Variants in XKR4 observed in about 807,000 individuals in gnomAD.
XKR4 encodes the protein XK-related protein 4.
A neutral mutation model predicts 53.9 loss-of-function variants in XKR4; 12 were observed. That is an observed-to-expected ratio of 0.22 (90% CI 0.14 to 0.36). The LOEUF is 0.36. XKR4 is among the 10% of genes least tolerant of loss of function. The probability of loss-of-function intolerance (pLI) is 1.00; values close to 1 mark genes in which losing one functional copy is unlikely to be tolerated. For synonymous variants in XKR4, 354 were observed against 362.4 expected, an observed-to-expected ratio of 0.98 and a Z score of 0.26; for missense variants, 799 against 859.5, an observed-to-expected ratio of 0.93 and a Z score of 0.88.
intron 1 of XKR4, among the ~76,000 whole-genome samples, chr8:55,156,184 T>A (rs1407113930): frequency 6.6e-6 from 1 of 151,852 alleles, no homozygotes; most frequent in African/African-American, 2.4e-5. Context: ...AGGCTTAGAC[T>A]GTTTAGTATT....
rs879318346 is a variant in XKR4, at chr8:55,540,486, G to T, written c.*16259G>T. On this transcript the variant is annotated 3_prime_UTR_variant, in exon 3 of 3. Transcript: ENST00000327381. ...CTGAAGCCTTTCTTTGGTAAAGAGC[G>T]CAGAAAGAGACCATAGCTATTCTTG... 6.6e-6 allele frequency: 1 copy of T among 152,154 alleles called. No homozygotes were observed. The highest frequency in any genetic ancestry group is 1.5e-5 in the Non-Finnish European group (1 of 68,022). 9.4% of individuals were successfully genotyped at this position (152,154 alleles called of 1,614,324 possible). A position where few individuals can be genotyped will look rare whatever the true frequency, so the allele number is the denominator to read the frequency against.
chr8:55,104,988 A>G lies in XKR4; in HGVS notation c.806+1694A>G, dbSNP rs116265292. On this transcript the variant is annotated intron_variant, in intron 1 of 2. Coordinates refer to ENST00000327381, the MANE Select transcript of XKR4 (RefSeq NM_052898.2). ...AACATTCCATTTGTTAACTTTTTCAAACTTTATCAAGATTTGGAAATCACT... is the reference window on the plus strand; with the variant it reads ...AACATTCCATTTGTTAACTTTTTCAGACTTTATCAAGATTTGGAAATCACT... Among the ~76,000 whole-genome samples, 516 of 152,302 alleles carry G rather than the reference A, an allele frequency of 3.4e-3. 3 individuals are homozygous for G. The highest frequency in any genetic ancestry group is 0.012 in the African/African-American group (504 of 41,560).
At chr8:55,449,111 C>T (rs923068577) in intron 2 of XKR4, among the ~76,000 whole-genome samples, 3 of 150,734 alleles carry the variant, frequency 2.0e-5, no homozygotes, top group Non-Finnish European at 4.4e-5. Context: ...ATAAAATTGT[C>T]GAAAATTGAC....
intron 1 of XKR4, among the ~76,000 whole-genome samples, chr8:55,222,609 T>G (rs1315836704): frequency 6.6e-6 from 1 of 152,232 alleles, no homozygotes; most frequent in African/African-American, 2.4e-5. Flanking sequence ...GTCTATGTCC[T>G]TATTTCTGCC....
intron 2 of XKR4, among the ~76,000 whole-genome samples, chr8:55,376,709 TA>T (rs1164576487): frequency 6.6e-6 from 1 of 152,188 alleles, no homozygotes; most frequent in Non-Finnish European, 1.5e-5. Flanking sequence ...ATCTGTATCA[TA>T]TGTGTGGAGA....
chr8:55,163,273 A>C (rs1817012722), intron 1 of XKR4, among the ~76,000 whole-genome samples: 1 of 152,336 alleles, frequency 6.6e-6, no homozygotes, highest in Non-Finnish European at 1.5e-5. Flanking sequence ...ACTTGCTTTT[A>C]AGTGTGAGTG....
At chr8:55,324,032 A>T (rs915779714) in intron 1 of XKR4, among the ~76,000 whole-genome samples, 3 of 152,154 alleles carry the variant, frequency 2.0e-5, no homozygotes, top group Admixed American at 6.5e-5. Flanking sequence ...TATATAGTAC[A>T]GTTATAATAG....
chr8:55,177,867 T>C (rs769097219), intron 1 of XKR4, among the ~76,000 whole-genome samples: 27 of 152,160 alleles, frequency 1.8e-4, no homozygotes, highest in Non-Finnish European at 3.1e-4. Flanking sequence ...CTTTCCCTGC[T>C]CAACTCCAGT....
At chr8:55,319,052 T>G (rs1803164942) in intron 1 of XKR4, among the ~76,000 whole-genome samples, 1 of 152,218 alleles carries the variant, frequency 6.6e-6, no homozygotes, top group East Asian at 1.9e-4. Context: ...TTCTTCTCTT[T>G]GTGGCAGCTT....
At chr8:55,247,209 G>A (rs1585964983) in intron 1 of XKR4, among the ~76,000 whole-genome samples, 1 of 152,296 alleles carries the variant, frequency 6.6e-6, no homozygotes, top group African/African-American at 2.4e-5. Context: ...GAAGCCCAAG[G>A]TTCCAGTGGT....
Position 55,466,967 on chromosome 8 carries a change from CAT to C in XKR4, c.1007-56313_1007-56312del, listed in dbSNP as rs528952533. Among the ~76,000 whole-genome samples, 68 of 152,266 alleles carry C rather than the reference CAT, an allele frequency of 4.5e-4. 1 individual carries two copies. The South Asian group carries it at 8.5e-3, about 19-fold the overall frequency. On this transcript the variant is annotated intron_variant, in intron 2 of 2. Transcript: ENST00000327381. ...ACAGACTCAGCAGCTTAAAACAACA[CAT>C]GTTTGTGACCTCACAGTTTCTGTGG...
At chr8:55,429,734 A>G (rs889678405) in intron 2 of XKR4, among the ~76,000 whole-genome samples, 1 of 108,788 alleles carries the variant, frequency 9.2e-6, no homozygotes, top group Non-Finnish European at 1.7e-5. Flanking sequence ...GTCTTTCTGG[A>G]AAAAAAAAAA....
At chr8:55,392,531 C>G (rs1318772734) in intron 2 of XKR4, among the ~76,000 whole-genome samples, 2 of 152,184 alleles carry the variant, frequency 1.3e-5, no homozygotes. Flanking sequence ...TGGTTCACGC[C>G]TATAATCCCA....
chr8:55,459,188 T>C (rs1015290429), intron 2 of XKR4, among the ~76,000 whole-genome samples: 1 of 152,046 alleles, frequency 6.6e-6, no homozygotes, highest in Non-Finnish European at 1.5e-5. Flanking sequence ...GGAGAGTAAT[T>C]TCAACAAATG....
intron 2 of XKR4, chr8:55,449,809 C>A: frequency 8.3e-7 from 1 of 1,206,620 alleles, no homozygotes; most frequent in South Asian, 1.2e-5. Flanking sequence ...AGGCCCCCTT[C>A]TTGTACAGAG....
At chr8:55,436,942 G>C (rs542529507) in intron 2 of XKR4, among the ~76,000 whole-genome samples, 25 of 152,240 alleles carry the variant, frequency 1.6e-4, no homozygotes, top group Admixed American at 2.0e-4. Flanking sequence ...AGCATGTTTT[G>C]TTACTTCCAT....
At chr8:55,411,741 C>A (rs1236787319) in intron 2 of XKR4, among the ~76,000 whole-genome samples, 1 of 152,112 alleles carries the variant, frequency 6.6e-6, no homozygotes, top group East Asian at 1.9e-4. Context: ...CGCGAGAGTG[C>A]CTTTGCCCTG....
In XKR4 at chr8:55,184,571, C is replaced by T. The variant is rs145836097; in HGVS notation, c.806+81277C>T. On this transcript the variant is annotated intron_variant, in intron 1 of 2. Transcript: ENST00000327381. ...AAGTTGTGTATTTTTCTGCTGTTTT[C>T]TTTCATGTGTATCTGCTCTGTGTGT... 2.2e-3 allele frequency among the ~76,000 whole-genome samples: 333 copies of T among 152,314 alleles called. 1 individual carries two copies. The highest frequency in any genetic ancestry group is 7.3e-3 in the African/African-American group (304 of 41,572).
At chr8:55,218,741 G>C (rs1409342089) in intron 1 of XKR4, among the ~76,000 whole-genome samples, 1 of 152,112 alleles carries the variant, frequency 6.6e-6, no homozygotes, top group Non-Finnish European at 1.5e-5. Flanking sequence ...CATATTCTTT[G>C]AAGTAAGTAT....
Sources: allele counts gnomAD v4.1 joint callset (sites outside exome capture counted in the v4.1 genomes callset), GRCh38; gene constraint gnomAD v4.1.1; transcripts MANE v1.5; gene names NCBI Gene and HGNC (gene_info 2026-07-23, HGNC 2026-07-21).